DCLK1: variants seen among roughly 807,000 people sequenced by gnomAD.
The protein encoded by DCLK1 is serine/threonine-protein kinase DCLK1.
DCLK1 carries 16 observed loss-of-function variants against 86.2 expected under a neutral mutation model. That is an observed-to-expected ratio of 0.19 (90% confidence interval 0.13 to 0.28). The LOEUF (loss-of-function observed/expected upper bound fraction) is 0.28. DCLK1 is among the 10% of genes least tolerant of loss of function. The pLI, the probability that DCLK1 is intolerant of heterozygous loss-of-function variation, is 1.00. For missense variants in DCLK1, 590 were observed against 940.2 expected (o/e 0.63, Z 4.87); for synonymous variants, 369 against 370.5 (o/e 1.00, Z 0.05).
At chr13:35,910,270 C>T (rs1036175308) in intron 4 of DCLK1, among the ~76,000 whole-genome samples, 3 of 152,126 alleles carry the variant, frequency 2.0e-5, no homozygotes, top group African/African-American at 7.2e-5. Context: ...TACTCTGCAG[C>T]GATTGAGGAG....
At chr13:36,106,745 T>C (rs1161335182) in intron 3 of DCLK1, among the ~76,000 whole-genome samples, 2 of 152,172 alleles carry the variant, frequency 1.3e-5, no homozygotes, top group African/African-American at 4.8e-5. Flanking sequence ...ATAAATCCTA[T>C]CAGATTCTAA....
intron 16 of DCLK1, among the ~76,000 whole-genome samples, chr13:35,775,210 C>T (rs2086403516): frequency 6.6e-6 from 1 of 152,144 alleles, no homozygotes. Flanking sequence ...TCTAAATGAT[C>T]TTATTATCTG....
intron 16 of DCLK1, among the ~76,000 whole-genome samples, chr13:35,776,772 CA>C (rs1003582468): frequency 1.9e-4 from 29 of 152,294 alleles, no homozygotes; most frequent in African/African-American, 6.7e-4. Context: ...GAATTTAACT[CA>C]GTACTTTCCC....
intron 3 of DCLK1, among the ~76,000 whole-genome samples, chr13:36,019,019 G>T (rs761775067): frequency 1.1e-4 from 16 of 152,078 alleles, no homozygotes; most frequent in Non-Finnish European, 2.1e-4. Context: ...TTATCTTGAG[G>T]TATGTGTGGT....
chr13:35,808,136 C>T (rs968937961), intron 14 of DCLK1, 88 bp downstream of exon 14: 3 of 1,239,820 alleles, frequency 2.4e-6, no homozygotes, highest in African/African-American at 3.0e-5. Flanking sequence ...CTTATGATGT[C>T]ATTAGTTTCT....
At chr13:35,954,136 A>C (rs190638293) in intron 3 of DCLK1, among the ~76,000 whole-genome samples, 42 of 152,280 alleles carry the variant, frequency 2.8e-4, no homozygotes, top group Admixed American at 2.2e-3. Flanking sequence ...ATACCAGTTA[A>C]AGATGGCAGG....
At chr13:35,839,048 A>G (rs759326069) in intron 7 of DCLK1, 44 bp downstream of exon 7, 3 of 1,544,918 alleles carry the variant, frequency 1.9e-6, no homozygotes, top group East Asian at 2.4e-5. Context: ...AATTTAGCCA[A>G]CCCATCCTCT....
At chr13:36,039,635 TAC>T (rs140224659) in intron 3 of DCLK1, among the ~76,000 whole-genome samples, 3 of 150,862 alleles carry the variant, frequency 2.0e-5, no homozygotes, top group Admixed American at 6.6e-5. Flanking sequence ...TGCACACATG[TAC>T]ACACACACAC....
intron 4 of DCLK1, among the ~76,000 whole-genome samples, chr13:35,908,411 G>C (rs9545680): frequency 0.16 from 23,688 of 152,060 alleles, 2,454 homozygotes; most frequent in East Asian, 0.34. Flanking sequence ...AAAAGACCTG[G>C]ATTATGCTAA....
intron 3 of DCLK1, among the ~76,000 whole-genome samples, chr13:35,960,470 T>C (rs1878393913): frequency 6.6e-6 from 1 of 152,182 alleles, no homozygotes; most frequent in Admixed American, 6.5e-5. Flanking sequence ...AGATTATTTA[T>C]TGTTTTATTT....
intron 16 of DCLK1, among the ~76,000 whole-genome samples, chr13:35,779,122 C>T (rs1238989792): frequency 3.9e-5 from 6 of 152,010 alleles, no homozygotes; most frequent in African/African-American, 7.2e-5. Context: ...TTCACAGGCA[C>T]CCACCACCAC....
intron 4 of DCLK1, among the ~76,000 whole-genome samples, chr13:35,905,666 CCAGGTGTGGTGG>C (rs2153123410): frequency 6.6e-6 from 1 of 152,314 alleles, no homozygotes; most frequent in East Asian, 1.9e-4. Flanking sequence ...CAGAGCCAGG[CCAGGTGTGGTGG>C]CTCACGCCTG....
At chr13:36,088,185 G>C (rs956195970) in intron 3 of DCLK1, among the ~76,000 whole-genome samples, 1 of 152,204 alleles carries the variant, frequency 6.6e-6, no homozygotes, top group Non-Finnish European at 1.5e-5. Flanking sequence ...TGATGACTAG[G>C]AGGAGTGAGC....
At chr13:36,117,525 CA>C (rs2138201467) in intron 2 of DCLK1, among the ~76,000 whole-genome samples, 1 of 152,176 alleles carries the variant, frequency 6.6e-6, no homozygotes, top group South Asian at 2.1e-4. Flanking sequence ...AACACCATTA[CA>C]GACATTAAAA....
At chr13:35,898,381 G>T (rs1275731197) in intron 4 of DCLK1, among the ~76,000 whole-genome samples, 2 of 152,214 alleles carry the variant, frequency 1.3e-5, no homozygotes, top group Non-Finnish European at 2.9e-5. Context: ...ATTTAATGAA[G>T]TCTTGCAAGT....
intron 4 of DCLK1, among the ~76,000 whole-genome samples, chr13:35,881,410 G>C (rs1468566187): frequency 6.6e-6 from 1 of 152,088 alleles, no homozygotes; most frequent in Non-Finnish European, 1.5e-5. Flanking sequence ...CTTCCATCAG[G>C]GTGCAGGGAA....
chr13:36,105,819 G>A (rs1489715706), intron 3 of DCLK1, among the ~76,000 whole-genome samples: 1 of 152,078 alleles, frequency 6.6e-6, no homozygotes, highest in Non-Finnish European at 1.5e-5. Context: ...TTGTTTGTTT[G>A]TTGCAGGGAT....
At chr13:35,904,665 C>T (rs537515339) in intron 4 of DCLK1, among the ~76,000 whole-genome samples, 124 of 152,270 alleles carry the variant, frequency 8.1e-4, no homozygotes, top group African/African-American at 2.7e-3. Context: ...GGCTGGACAA[C>T]GATGGAGAGT....
chr13:36,120,606 T>A (rs895425745), intron 2 of DCLK1, among the ~76,000 whole-genome samples: 1 of 152,060 alleles, frequency 6.6e-6, no homozygotes, highest in African/African-American at 2.4e-5. Context: ...AAATGACACA[T>A]GACTGCCCTC....
Sources: gnomAD v4.1 joint callset for allele counts (sites outside exome capture counted in the v4.1 genomes callset) on GRCh38, gnomAD v4.1.1 for gene constraint, MANE v1.5 for transcripts, NCBI Gene and HGNC (gene_info 2026-07-23, HGNC 2026-07-21) for gene names.